Variants in MBP observed in about 807,000 individuals in gnomAD.
MBP encodes the protein Golli-MBP.
Under a neutral mutation model 35.8 loss-of-function variants are expected in MBP, and 16 were observed. The ratio of observed to expected loss-of-function variants is 0.45; its 90% CI spans 0.30 to 0.68. The LOEUF is 0.68. Ranked by LOEUF, MBP falls within the 30% of genes least tolerant of loss-of-function variation. The probability of loss-of-function intolerance (pLI) is 0.08; values close to 1 mark genes in which losing one functional copy is unlikely to be tolerated. For synonymous variants in MBP, 143 were observed against 159.6 expected (o/e 0.90, Z 0.78); for missense variants, 380 against 404.7 (o/e 0.94, Z 0.52).
chr18:76,980,095 G>T lies in MBP; in HGVS notation c.*332C>A, dbSNP rs1016186910. 1 of 696,682 alleles carries T rather than the reference G, an allele frequency of 1.4e-6. No homozygotes were observed. Among genetic ancestry groups the T allele is most frequent in the Non-Finnish European group, 2.6e-6 (1 of 383,196 alleles). The allele number at this position is 696,682 out of a possible 1,614,324, so 43.2% of individuals were successfully genotyped here. On this transcript the variant is annotated 3_prime_UTR_variant, in exon 9 of 9. Transcript: ENST00000355994. The stretch of plus-strand genomic sequence containing the variant: ...GTGCCGCAGCCACGGCGAAAAGAAA[G>T]TCCAAGGGTGGAGGGGTGAACGTGG...
Position 77,044,487 on chromosome 18 carries a change from C to T in MBP, c.139+21811G>A, listed in dbSNP as rs903040600. Among the ~76,000 whole-genome samples, 1 of 152,160 alleles carries T rather than the reference C, an allele frequency of 6.6e-6. No individual in the cohort carries two copies. The highest frequency in any genetic ancestry group is 2.4e-5 in the African/African-American group (1 of 41,430). On this transcript the variant is annotated intron_variant, in intron 3 of 8. Coordinates refer to ENST00000355994, the MANE Select transcript of MBP (RefSeq NM_001025101.2). This position sits in a 1 kb window ranked among gnomAD's most constrained non-coding sequence, Gnocchi z 4.4. The stretch of plus-strand genomic sequence containing the variant: ...ATGAAGTTCTACTGCAAGGGCCACT[C>T]TCCCTGTACAGGCCTTCCTGACCCC...
intron 3 of MBP, among the ~76,000 whole-genome samples, chr18:77,051,698 T>A (rs1192149613): frequency 6.6e-6 from 1 of 152,080 alleles, no homozygotes; most frequent in Non-Finnish European, 1.5e-5. Context: ...ACATCAAATT[T>A]AACACCTTCC....
chr18:77,053,876 T>A (rs1485494129), intron 3 of MBP, among the ~76,000 whole-genome samples: 1 of 152,230 alleles, frequency 6.6e-6, no homozygotes. Context: ...CCTGCCTTCA[T>A]GGGGCTCACT....
At chr18:77,081,944 C>T (rs1016322674) in intron 2 of MBP, among the ~76,000 whole-genome samples, 2 of 151,930 alleles carry the variant, frequency 1.3e-5, no homozygotes, top group Admixed American at 6.6e-5. Context: ...CTCTGCCTCC[C>T]GGGTTCACGC....
chr18:77,124,799 C>T (rs1018599319), intron 1 of MBP, among the ~76,000 whole-genome samples: 3 of 152,192 alleles, frequency 2.0e-5, no homozygotes, highest in Non-Finnish European at 4.4e-5. Context: ...CTGAATCATG[C>T]TAGACTGCTC....
chr18:77,020,999 C>T lies in MBP; in HGVS notation c.140-3731G>A, dbSNP rs1383540173. 4.6e-5 allele frequency among the ~76,000 whole-genome samples: 7 copies of T among 152,224 alleles called. No individual in the cohort carries two copies. The highest frequency in any genetic ancestry group is 7.3e-5 in the Non-Finnish European group (5 of 68,044). On this transcript the variant is annotated intron_variant, in intron 3 of 8. Transcript: ENST00000355994. The surrounding 1 kb of genome is among the most constrained non-coding windows in gnomAD (Gnocchi z 4.1). ...AAAATACTTTGAGGGCATTTCTTCACGTGGACTGAGAAGACACATAACTTG... is the reference window on the plus strand; with the variant it reads ...AAAATACTTTGAGGGCATTTCTTCATGTGGACTGAGAAGACACATAACTTG...
At chr18:77,090,439 T>G (rs909355058) in intron 2 of MBP, among the ~76,000 whole-genome samples, 11 of 152,180 alleles carry the variant, frequency 7.2e-5, no homozygotes, top group African/African-American at 2.7e-4. Flanking sequence ...ACAGCAAAAC[T>G]TCTCAAAACA....
At chr18:77,083,969 G>T (rs189568931) in intron 2 of MBP, among the ~76,000 whole-genome samples, 21 of 151,914 alleles carry the variant, frequency 1.4e-4, no homozygotes. Flanking sequence ...ACCTTAAGTG[G>T]GTGAATTGTA....
intron 2 of MBP, among the ~76,000 whole-genome samples, chr18:77,097,075 A>G (rs1975784430): frequency 6.6e-6 from 1 of 152,212 alleles, no homozygotes; most frequent in African/African-American, 2.4e-5. Context: ...CAGGGTCCCC[A>G]GAGACCAGGC....
chr18:77,084,417 C>CG (rs1405716736), intron 2 of MBP, among the ~76,000 whole-genome samples: 3 of 39,310 alleles, frequency 7.6e-5, no homozygotes, highest in Non-Finnish European at 1.8e-4. Flanking sequence ...CACCGCCCCC[C>CG]CCGCCACACC....
intron 3 of MBP, among the ~76,000 whole-genome samples, chr18:77,029,434 GA>G (rs1972453577): frequency 7.8e-6 from 1 of 127,534 alleles, no homozygotes; most frequent in African/African-American, 3.1e-5. Context: ...TGGGGAGAGG[GA>G]GAGGGAGGGG....
chr18:77,039,932 C>T (rs564378222), intron 3 of MBP, among the ~76,000 whole-genome samples: 28 of 152,306 alleles, frequency 1.8e-4, no homozygotes, highest in African/African-American at 5.1e-4. Flanking sequence ...AATGCTGGTG[C>T]GGCCGGCTCT....
In MBP at chr18:77,130,504, C is replaced by T. The variant is rs372161781; in HGVS notation, c.-26+2076G>A. Among the ~76,000 whole-genome samples, 5 of 151,900 alleles carry T rather than the reference C, an allele frequency of 3.3e-5. No homozygotes were observed. The South Asian group carries it at 6.2e-4, about 19-fold the overall frequency. On this transcript the variant is annotated intron_variant, in intron 1 of 8. Coordinates refer to ENST00000355994, the MANE Select transcript of MBP (RefSeq NM_001025101.2). ...CCGCTCTCAAAAGAGAGTCTGGCAA[C>T]GTGCAAGCAGTCGATAAACACTCCC...
chr18:77,087,466 C>G (rs1975296427), intron 2 of MBP: 1 of 149,750 alleles, frequency 6.7e-6, no homozygotes, highest in Non-Finnish European at 1.5e-5. Flanking sequence ...GCGGAGCTCG[C>G]CAGCCCTAGA....
At chr18:77,035,662 G>A (rs534310505) in intron 3 of MBP, among the ~76,000 whole-genome samples, 3 of 109,564 alleles carry the variant, frequency 2.7e-5, no homozygotes, top group African/African-American at 1.0e-4. Context: ...GCAGGTGAAG[G>A]GGGGGGGACC....
chr18:76,988,768 G>T lies in MBP; in HGVS notation c.717+109C>A. The T allele has an allele frequency of 1.4e-6, 2 of 1,402,112 alleles. No individual in the cohort carries two copies. The highest frequency in any genetic ancestry group is 2.0e-6 in the Non-Finnish European group (2 of 1,017,564). The allele number at this position is 1,402,112 out of a possible 1,614,324, so 86.9% of individuals were successfully genotyped here. The stretch of plus-strand genomic sequence containing the variant: ...GGGAGCTGCCTGGCAACACGTTTTG[G>T]GATGGATTCTGGTAGCTCGGAGCCT... On this transcript the variant is annotated intron_variant, in intron 6 of 8. Transcript: ENST00000355994. The surrounding 1 kb of genome is among the most constrained non-coding windows in gnomAD (Gnocchi z 5.2).
chr18:77,080,123 C>T (rs556524546), intron 2 of MBP, among the ~76,000 whole-genome samples: 1 of 152,308 alleles, frequency 6.6e-6, no homozygotes, highest in Admixed American at 6.5e-5. Context: ...TATAACCTTG[C>T]AAACTTATTG....
At chr18:77,095,367 C>A (rs573554783) in intron 2 of MBP, 1 of 152,268 alleles carries the variant, frequency 6.6e-6, no homozygotes, top group African/African-American at 2.4e-5. Flanking sequence ...ATGTGACTTA[C>A]CTATAAAGTA....
chr18:77,089,406 G>C (rs1254482743), intron 2 of MBP, among the ~76,000 whole-genome samples: 1 of 152,218 alleles, frequency 6.6e-6, no homozygotes, highest in African/African-American at 2.4e-5. Flanking sequence ...AGAAGACAGA[G>C]AGCTACACAA....
Sources: allele counts gnomAD v4.1 joint callset (sites outside exome capture counted in the v4.1 genomes callset), GRCh38; gene constraint gnomAD v4.1.1; non-coding constraint Gnocchi (gnomAD v3.1); transcripts MANE v1.5; gene names NCBI Gene and HGNC (gene_info 2026-07-23, HGNC 2026-07-21).